DTHD1: variants seen among roughly 807,000 people sequenced by gnomAD.
The protein encoded by DTHD1 is death domain-containing protein 1.
In DTHD1, 59 loss-of-function variants were observed where a neutral mutation model predicts 74.8. The ratio of observed to expected loss-of-function variants is 0.79; its 90% CI spans 0.64 to 0.98. The LOEUF (loss-of-function observed/expected upper bound fraction) is 0.98, where lower values mean the gene tolerates loss of function less well. Ranked by LOEUF, DTHD1 falls within the 50% of genes least tolerant of loss-of-function variation. The pLI is 0.00. For missense variants in DTHD1, 1,051 were observed against 1,065.4 expected, an observed-to-expected ratio of 0.99 and a Z score of 0.19; for synonymous variants, 365 against 371.1, an observed-to-expected ratio of 0.98 and a Z score of 0.19.
intron 9 of DTHD1, among the ~76,000 whole-genome samples, chr4:36,343,085 A>G (rs1759412348): frequency 6.7e-6 from 1 of 148,604 alleles, no homozygotes; most frequent in Non-Finnish European, 1.5e-5. Flanking sequence ...GCGAGACTCA[A>G]CAAACAAACA....
Position 36,293,708 on chromosome 4 carries a change from A to G in DTHD1, c.1398+3A>G, listed in dbSNP as rs1253380844. 6.7e-7 allele frequency: 1 copy of G among 1,495,050 alleles called. No homozygotes were observed. The highest frequency in any genetic ancestry group is 1.3e-5 in the South Asian group (1 of 76,458). 92.6% of individuals were successfully genotyped at this position (1,495,050 alleles called of 1,614,324 possible). ...CTCCAGTGCTGGTGCAGTTAAAGGT[A>G]AACATATTAAAAATAGGTGAGTTCC... On this transcript the variant is annotated splice_donor_region_variant and intron_variant, in intron 4 of 9. Transcript: ENST00000639862.
At chr4:36,330,729 T>G (rs1394211391) in intron 8 of DTHD1, among the ~76,000 whole-genome samples, 1 of 152,150 alleles carries the variant, frequency 6.6e-6, no homozygotes, top group South Asian at 2.1e-4. Context: ...AGACCATTGT[T>G]ATGGGTTTGC....
At chr4:36,327,005 C>T (rs1461703697) in intron 8 of DTHD1, among the ~76,000 whole-genome samples, 4 of 150,842 alleles carry the variant, frequency 2.7e-5, no homozygotes, top group African/African-American at 9.8e-5. Context: ...CTCGCTCTGT[C>T]ACCCAGACCG....
intron 7 of DTHD1, chr4:36,311,437 C>A: frequency 6.6e-6 from 1 of 152,380 alleles, no homozygotes; most frequent in Non-Finnish European, 1.5e-5. Context: ...TAGAGATTCT[C>A]TGCCTGGAGG....
chr4:36,346,600 T>C lies in DTHD1; in HGVS notation c.*2776T>C, dbSNP rs138746265. On this transcript the variant is annotated 3_prime_UTR_variant, in exon 10 of 10. Coordinates refer to ENST00000639862, the MANE Select transcript of DTHD1 (RefSeq NM_001170700.3). ...GACCTGCCCCTGAACACCCTCAGTA[T>C]TGATAGACACACCCATACCTTTGCA... Among the ~76,000 whole-genome samples the C allele has an allele frequency of 1.0e-3, 153 of 152,186 alleles. 5 individuals are homozygous for C. Among genetic ancestry groups the C allele is most frequent in the African/African-American group, 3.6e-3 (150 of 41,520 alleles).
intron 3 of DTHD1, among the ~76,000 whole-genome samples, chr4:36,292,331 G>A (rs1578439566): frequency 6.6e-6 from 1 of 152,112 alleles, no homozygotes; most frequent in Non-Finnish European, 1.5e-5. Flanking sequence ...GAGAGGAAGA[G>A]AAAGAGAAAG....
rs61561969 is a variant in DTHD1 at position 36,304,002 on chromosome 4, C to T, written c.1644-2189C>T. ...ACTTGGCCCCACTCAACCACAGAGGCCAGGAAGTGTAACCCTGTCATGTAT... is the reference window on the plus strand; with the variant it reads ...ACTTGGCCCCACTCAACCACAGAGGTCAGGAAGTGTAACCCTGTCATGTAT... On this transcript the variant is annotated intron_variant, in intron 5 of 9. Coordinates refer to ENST00000639862, the MANE Select transcript of DTHD1 (RefSeq NM_001170700.3). 1.3e-3 allele frequency among the ~76,000 whole-genome samples: 202 copies of T among 152,212 alleles called. 1 individual carries two copies. The highest frequency in any genetic ancestry group is 4.5e-3 in the African/African-American group (188 of 41,520).
intron 7 of DTHD1, chr4:36,311,225 A>G (rs1757388922): frequency 6.6e-6 from 1 of 152,166 alleles, no homozygotes; most frequent in Admixed American, 6.5e-5. Flanking sequence ...TCATTCAGGG[A>G]AAATGAGCAG....
intron 3 of DTHD1, among the ~76,000 whole-genome samples, chr4:36,292,505 T>A (rs1436761192): frequency 1.3e-5 from 2 of 152,230 alleles, no homozygotes; most frequent in African/African-American, 4.8e-5. Context: ...CCTTTCAGTA[T>A]CTATCAAATA....
intron 8 of DTHD1, among the ~76,000 whole-genome samples, chr4:36,323,540 T>C (rs1483727412): frequency 8.1e-6 from 1 of 123,122 alleles, no homozygotes; most frequent in African/African-American, 2.6e-5. Flanking sequence ...ATATTAGGGT[T>C]GAAGGATCAA....
At chr4:36,303,058 G>A (rs1756864270) in intron 5 of DTHD1, among the ~76,000 whole-genome samples, 1 of 152,132 alleles carries the variant, frequency 6.6e-6, no homozygotes, top group Non-Finnish European at 1.5e-5. Flanking sequence ...GCCTCAGGGA[G>A]ATTAGTACTG....
chr4:36,305,982 A>G (rs987748341), intron 5 of DTHD1, among the ~76,000 whole-genome samples: 5 of 152,202 alleles, frequency 3.3e-5, no homozygotes, highest in Admixed American at 2.0e-4. Context: ...CTTGTGCTGT[A>G]ATCAGATAAT....
intron 8 of DTHD1, among the ~76,000 whole-genome samples, chr4:36,322,274 T>C (rs1758075398): frequency 6.6e-6 from 1 of 152,150 alleles, no homozygotes; most frequent in African/African-American, 2.4e-5. Flanking sequence ...CCTAGAATGG[T>C]GTCAGGCATA....
chr4:36,338,275 A>G (rs1759122563), intron 8 of DTHD1, among the ~76,000 whole-genome samples: 1 of 152,134 alleles, frequency 6.6e-6, no homozygotes, highest in Non-Finnish European at 1.5e-5. Context: ...GCCCTTGCAA[A>G]TTGTCCCATG....
At chr4:36,294,651 A>T (rs991482123) in intron 4 of DTHD1, 144 bp from the exon 5 acceptor site, 3 of 658,724 alleles carry the variant, frequency 4.6e-6, no homozygotes, top group Admixed American at 3.9e-5. Context: ...ATTTTATAAA[A>T]TGCATTGTTG....
Position 36,339,098 on chromosome 4 carries a change from C to T in DTHD1, c.2341-14C>T, listed in dbSNP as rs901850837. 5 of 1,541,942 alleles carry T rather than the reference C, an allele frequency of 3.2e-6. No individual in the cohort carries two copies. In the South Asian group the frequency reaches 3.6e-5, roughly 11 times the overall value. ...TACTTCTTCTGTTTATTTTGTGTTCCTTTCCCCCAATAGCATAAGAAATTA... is the reference window on the plus strand; with the variant it reads ...TACTTCTTCTGTTTATTTTGTGTTCTTTTCCCCCAATAGCATAAGAAATTA... On this transcript the variant is annotated splice_polypyrimidine_tract_variant and intron_variant, in intron 8 of 9. Coordinates refer to ENST00000639862, the MANE Select transcript of DTHD1 (RefSeq NM_001170700.3).
At chr4:36,322,682 A>C (rs1389978772) in intron 8 of DTHD1, among the ~76,000 whole-genome samples, 2 of 152,184 alleles carry the variant, frequency 1.3e-5, no homozygotes, top group Non-Finnish European at 2.9e-5. Flanking sequence ...GTGATACTTC[A>C]TATTCTATAT....
intron 7 of DTHD1, among the ~76,000 whole-genome samples, chr4:36,310,061 A>G (rs1462905482): frequency 2.6e-5 from 4 of 152,184 alleles, no homozygotes; most frequent in Non-Finnish European, 5.9e-5. Flanking sequence ...ATGGTATTCC[A>G]TGGTGTATAT....
chr4:36,333,005 T>A (rs1758787135), intron 8 of DTHD1, among the ~76,000 whole-genome samples: 1 of 152,174 alleles, frequency 6.6e-6, no homozygotes, highest in African/African-American at 2.4e-5. Flanking sequence ...TGAACCTCAG[T>A]TTCAGAAATA....
Sources: allele counts gnomAD v4.1 joint callset (sites outside exome capture counted in the v4.1 genomes callset), GRCh38; gene constraint gnomAD v4.1.1; transcripts MANE v1.5; gene names NCBI Gene and HGNC (gene_info 2026-07-23, HGNC 2026-07-21).